SBF2: variants seen among roughly 807,000 people sequenced by gnomAD.
SBF2 encodes the protein SET binding factor 2.
SBF2 carries 112 observed loss-of-function variants against 225.2 expected under a neutral mutation model. The ratio of observed to expected loss-of-function variants is 0.50; its 90% CI spans 0.43 to 0.58. SBF2 has a LOEUF of 0.58. Among genes scored for constraint, SBF2 ranks in the 20% least tolerant of loss-of-function variants. The pLI is 0.00. For synonymous variants in SBF2, 763 were observed against 773.3 expected, an observed-to-expected ratio of 0.99 and a Z score of 0.22; for missense variants, 1,996 against 2,206.2, an observed-to-expected ratio of 0.90 and a Z score of 1.91.
intron 10 of SBF2, 79 bp from the exon 11 acceptor site, chr11:9,993,182 G>T: frequency 2.0e-6 from 2 of 1,019,730 alleles, no homozygotes; most frequent in Non-Finnish European, 3.0e-6. Flanking sequence ...GGTGAAAAGG[G>T]CATATATTCC....
At chr11:9,908,189 T>C (rs1333400069) in intron 16 of SBF2, among the ~76,000 whole-genome samples, 5 of 148,484 alleles carry the variant, frequency 3.4e-5, no homozygotes, top group South Asian at 2.1e-4. Flanking sequence ...TAAAATGCAA[T>C]GGAAGGGCTT....
At chr11:9,879,039 T>C (rs1320459690) in intron 17 of SBF2, among the ~76,000 whole-genome samples, 2 of 152,214 alleles carry the variant, frequency 1.3e-5, no homozygotes, top group Admixed American at 6.5e-5. Flanking sequence ...TACAAAATGT[T>C]TGCACTTTGG....
intron 8 of SBF2, among the ~76,000 whole-genome samples, chr11:9,999,019 C>A (rs1208586271): frequency 6.6e-6 from 1 of 152,080 alleles, no homozygotes; most frequent in Admixed American, 6.6e-5. Context: ...AATTAGTATA[C>A]ATCAAAAGGG....
chr11:10,240,259 C>CAAAAAAAAA (rs555675542), intron 1 of SBF2, among the ~76,000 whole-genome samples: 3 of 93,094 alleles, frequency 3.2e-5, no homozygotes, highest in Admixed American at 1.2e-4. Flanking sequence ...ATTAAAAGAA[C>CAAAAAAAAA]AAAAAAAAAA....
chr11:10,045,249 C>T (rs572613369), intron 2 of SBF2, among the ~76,000 whole-genome samples: 1 of 151,848 alleles, frequency 6.6e-6, no homozygotes, highest in South Asian at 2.1e-4. Flanking sequence ...CTCACTGCAA[C>T]CTCCGCCTCC....
In SBF2 at chr11:9,807,930, A is replaced by G. The variant is rs555289919; in HGVS notation, c.4443+70T>C. The G allele has an allele frequency of 1.0e-5, 14 of 1,356,514 alleles. No homozygotes were observed. The South Asian group carries it at 1.3e-4, about 13-fold the overall frequency. The allele number at this position is 1,356,514 out of a possible 1,614,324, so 84.0% of individuals were successfully genotyped here. A position where few individuals can be genotyped will look rare whatever the true frequency, so the allele number is the denominator to read the frequency against. On this transcript the variant is annotated intron_variant, in intron 32 of 39. Coordinates refer to ENST00000256190, the MANE Select transcript of SBF2 (RefSeq NM_030962.4). The stretch of plus-strand genomic sequence containing the variant: ...GGAAGGTACCGGGCACACCATCGCA[A>G]TGCTCCATCAATGCTAGTATGTTGT...
chr11:10,112,655 T>G (rs1013349754), intron 2 of SBF2, among the ~76,000 whole-genome samples: 1 of 152,056 alleles, frequency 6.6e-6, no homozygotes. Context: ...AAAATAAAAT[T>G]TGTAAGGCTC....
intron 2 of SBF2, among the ~76,000 whole-genome samples, chr11:10,094,690 G>A (rs903299893): frequency 6.6e-6 from 1 of 151,792 alleles, no homozygotes; most frequent in African/African-American, 2.4e-5. Context: ...TTTTAGTAGA[G>A]ACGGGGTTTC....
rs190669804 is a variant in SBF2, at chr11:10,179,822, G to T, written c.141+14080C>A. On this transcript the variant is annotated intron_variant, in intron 2 of 39. Coordinates refer to ENST00000256190, the MANE Select transcript of SBF2 (RefSeq NM_030962.4). ...TTAGTGAAGGTAATTTTCTCTGGTGGTATGTTTTCATTTATTTTTATTTTT... is the reference window on the plus strand; with the variant it reads ...TTAGTGAAGGTAATTTTCTCTGGTGTTATGTTTTCATTTATTTTTATTTTT... Among the ~76,000 whole-genome samples the T allele has an allele frequency of 6.7e-3, 1,016 of 151,948 alleles. 9 individuals are homozygous for T. Among genetic ancestry groups the T allele is most frequent in the African/African-American group, 0.023 (941 of 41,432 alleles).
intron 2 of SBF2, among the ~76,000 whole-genome samples, chr11:10,079,089 TAAG>T (rs919303850): frequency 5.3e-5 from 8 of 151,826 alleles, no homozygotes; most frequent in African/African-American, 1.9e-4. Context: ...AATTCAAAAA[TAAG>T]AAGAAGCGAC....
At chr11:9,963,609 G>A (rs1421737617) in intron 15 of SBF2, among the ~76,000 whole-genome samples, 164 bp downstream of exon 15, 1 of 152,170 alleles carries the variant, frequency 6.6e-6, no homozygotes, top group African/African-American at 2.4e-5. Flanking sequence ...TGGCCCAACA[G>A]CTTTAAATCT....
intron 16 of SBF2, among the ~76,000 whole-genome samples, chr11:9,941,679 C>T (rs1003995241): frequency 6.6e-6 from 1 of 152,146 alleles, no homozygotes; most frequent in Non-Finnish European, 1.5e-5. Context: ...TAGCAAATAT[C>T]TACCAAAACT....
chr11:10,121,969 G>T (rs1953474153), intron 2 of SBF2, among the ~76,000 whole-genome samples: 1 of 152,140 alleles, frequency 6.6e-6, no homozygotes, highest in South Asian at 2.1e-4. Context: ...GTATTACAGG[G>T]TTTGTGTTCA....
At chr11:10,025,972 G>T (rs1485612798) in intron 6 of SBF2, among the ~76,000 whole-genome samples, 2 of 151,772 alleles carry the variant, frequency 1.3e-5, no homozygotes, top group African/African-American at 4.8e-5. Context: ...GAATTACACA[G>T]GCCACCATTA....
chr11:10,144,604 T>C (rs1432572427), intron 2 of SBF2, among the ~76,000 whole-genome samples: 1 of 152,240 alleles, frequency 6.6e-6, no homozygotes. Flanking sequence ...AGAATGTACA[T>C]GTTTGAGAAA....
chr11:9,885,251 C>CA (rs71453937), intron 17 of SBF2, among the ~76,000 whole-genome samples: 10,362 of 37,490 alleles, frequency 0.28, 995 homozygotes, highest in African/African-American at 0.42. Flanking sequence ...ACTTTTCCTC[C>CA]AAAAAAAAAA....
intron 16 of SBF2, chr11:9,956,801 A>G (rs555382557): frequency 6.6e-6 from 1 of 152,312 alleles, no homozygotes; most frequent in South Asian, 2.1e-4. Flanking sequence ...TTATTACAAA[A>G]GAAAAAAATA....
At position 9,931,497 on chromosome 11, in the gene SBF2, T is replaced by C. The variant is rs576598064; in HGVS notation, c.1860+30460A>G. On this transcript the variant is annotated intron_variant, in intron 16 of 39. Transcript: ENST00000256190. Reference sequence around the variant, plus strand: ...ATACTCAGGCAAACAGGGTCTGGAGTGGACCTCCAGCAAACTCCAACACAC... The same window carrying C: ...ATACTCAGGCAAACAGGGTCTGGAGCGGACCTCCAGCAAACTCCAACACAC... 2.0e-4 allele frequency among the ~76,000 whole-genome samples: 30 copies of C among 152,208 alleles called. No homozygotes were observed. The East Asian group carries it at 3.7e-3, about 19-fold the overall frequency.
chr11:10,253,703 T>C (rs1960589835), intron 1 of SBF2, among the ~76,000 whole-genome samples: 1 of 152,134 alleles, frequency 6.6e-6, no homozygotes, highest in South Asian at 2.1e-4. Context: ...CTATAATGAA[T>C]CACAGTATAA....
Sources: allele counts gnomAD v4.1 joint callset (sites outside exome capture counted in the v4.1 genomes callset), GRCh38; gene constraint gnomAD v4.1.1; transcripts MANE v1.5; gene names NCBI Gene and HGNC (gene_info 2026-07-23, HGNC 2026-07-21).